The following LYPD6B variants were observed in gnomAD, a reference collection of about 807,000 sequenced individuals.
LYPD6B encodes the protein LY6/PLAUR domain containing 6B, also known as ly6/PLAUR domain-containing protein 6B.
Under a neutral mutation model 22.8 loss-of-function variants are expected in LYPD6B, and 17 were observed. The ratio of observed to expected loss-of-function variants is 0.75; its 90% CI spans 0.51 to 1.12. The LOEUF is 1.12. Ranked by LOEUF, LYPD6B falls within the 50% of genes most tolerant of loss-of-function variation. LYPD6B has a pLI of 0.00. For synonymous variants in LYPD6B, 106 were observed against 91.6 expected (o/e 1.16, Z -0.90); for missense variants, 221 against 258.3 (o/e 0.86, Z 0.99).
At chr2:149,073,449 T>C (rs1684738174) in intron 1 of LYPD6B, among the ~76,000 whole-genome samples, 1 of 152,192 alleles carries the variant, frequency 6.6e-6, no homozygotes, top group South Asian at 2.1e-4. Flanking sequence ...GTTACTGATA[T>C]GCCAGCTGGG....
intron 1 of LYPD6B, among the ~76,000 whole-genome samples, chr2:149,100,351 A>G (rs775894604): frequency 5.9e-4 from 85 of 144,554 alleles, no homozygotes; most frequent in Non-Finnish European, 9.6e-4. Context: ...CAAAATTAGT[A>G]TTCAAAAGCA....
At chr2:149,159,478 C>T (rs749034346) in intron 2 of LYPD6B, among the ~76,000 whole-genome samples, 1 of 151,962 alleles carries the variant, frequency 6.6e-6, no homozygotes, top group Admixed American at 6.6e-5. Flanking sequence ...GTTGTCTTCT[C>T]TACATAGTAT....
intron 3 of LYPD6B, among the ~76,000 whole-genome samples, chr2:149,163,787 G>A (rs185173839): frequency 1.4e-3 from 209 of 152,230 alleles, no homozygotes; most frequent in African/African-American, 4.8e-3. Flanking sequence ...CTCTTGTTTT[G>A]GGAAGGGAAG....
chr2:149,170,067 C>T (rs915652636), intron 3 of LYPD6B, among the ~76,000 whole-genome samples: 1 of 152,198 alleles, frequency 6.6e-6, no homozygotes, highest in Non-Finnish European at 1.5e-5. Flanking sequence ...CCCAGGTCTT[C>T]AGCCATGTCT....
Position 149,130,940 on chromosome 2 carries a change from A to G in LYPD6B, c.-9A>G, listed in dbSNP as rs1371262054. On this transcript the variant is annotated 5_prime_UTR_variant, in exon 2 of 7. Coordinates refer to ENST00000409642, the MANE Select transcript of LYPD6B (RefSeq NM_177964.5). Reference sequence around the variant, plus strand: ...CTCCTGGACTAGGCTGCTCTTGTTAATCACATGGATGTTGTGAGTATTATA... The same window carrying G: ...CTCCTGGACTAGGCTGCTCTTGTTAGTCACATGGATGTTGTGAGTATTATA... The G allele has an allele frequency of 6.2e-7, 1 of 1,603,132 alleles. No homozygotes were observed. Among genetic ancestry groups the G allele is most frequent in the Admixed American group, 1.7e-5 (1 of 59,978 alleles).
At chr2:149,074,128 G>C (rs544645795) in intron 1 of LYPD6B, among the ~76,000 whole-genome samples, 49 of 152,270 alleles carry the variant, frequency 3.2e-4, no homozygotes, top group African/African-American at 1.0e-3. Flanking sequence ...GGTGTCTGCT[G>C]TGGAGCCCTG....
At chr2:149,108,226 C>T (rs140072209) in intron 1 of LYPD6B, among the ~76,000 whole-genome samples, 1 of 152,298 alleles carries the variant, frequency 6.6e-6, no homozygotes, top group East Asian at 1.9e-4. Flanking sequence ...CCTTGCCTTC[C>T]ACCATGATTG....
chr2:149,146,516 A>G (rs1689036001), intron 2 of LYPD6B, among the ~76,000 whole-genome samples: 1 of 152,192 alleles, frequency 6.6e-6, no homozygotes, highest in Non-Finnish European at 1.5e-5. Flanking sequence ...GGGCCACGCC[A>G]GGCTGTGTGA....
intron 3 of LYPD6B, among the ~76,000 whole-genome samples, chr2:149,170,604 AT>A (rs1690751425): frequency 6.6e-6 from 1 of 152,178 alleles, no homozygotes; most frequent in African/African-American, 2.4e-5. Context: ...TAATATTTAT[AT>A]TTATTACAGA....
At chr2:149,058,267 C>T (rs1239357004) in intron 1 of LYPD6B, among the ~76,000 whole-genome samples, 1 of 152,042 alleles carries the variant, frequency 6.6e-6, no homozygotes, top group Non-Finnish European at 1.5e-5. Flanking sequence ...GGGTTCCTGG[C>T]CCCTACACTC....
chr2:149,097,275 T>A (rs907395553), intron 1 of LYPD6B, among the ~76,000 whole-genome samples: 1 of 152,190 alleles, frequency 6.6e-6, no homozygotes, highest in Non-Finnish European at 1.5e-5. Context: ...AAGAACAAGA[T>A]GCAGACAATG....
chr2:149,195,582 C>G (rs1177912498), intron 3 of LYPD6B, among the ~76,000 whole-genome samples: 2 of 152,170 alleles, frequency 1.3e-5, no homozygotes, highest in Non-Finnish European at 2.9e-5. Context: ...TAAAATTGGT[C>G]TTCAGAGGAA....
At chr2:149,067,101 G>T (rs997173203) in intron 1 of LYPD6B, among the ~76,000 whole-genome samples, 39 of 152,216 alleles carry the variant, frequency 2.6e-4, no homozygotes, top group African/African-American at 7.5e-4. Flanking sequence ...TAGGACAATG[G>T]CTTCTAGCCA....
At chr2:149,087,795 C>T (rs1268827413) in intron 1 of LYPD6B, among the ~76,000 whole-genome samples, 1 of 152,128 alleles carries the variant, frequency 6.6e-6, no homozygotes, top group Non-Finnish European at 1.5e-5. Flanking sequence ...CATCCCTGGG[C>T]CCTATGCCGT....
At chr2:149,145,187 A>G (rs1242291368) in intron 2 of LYPD6B, among the ~76,000 whole-genome samples, 5 of 152,200 alleles carry the variant, frequency 3.3e-5, no homozygotes, top group Non-Finnish European at 1.5e-5. Flanking sequence ...AGCAGATTCA[A>G]GCAGAGGGAT....
At chr2:149,201,637 A>G (rs954134938) in intron 3 of LYPD6B, among the ~76,000 whole-genome samples, 2 of 152,252 alleles carry the variant, frequency 1.3e-5, no homozygotes, top group African/African-American at 4.8e-5. Context: ...GTGCTCAGGA[A>G]GAAGTGGTAG....
chr2:149,124,304 G>T (rs1004169436), intron 1 of LYPD6B, among the ~76,000 whole-genome samples: 1 of 152,134 alleles, frequency 6.6e-6, no homozygotes, highest in Non-Finnish European at 1.5e-5. Context: ...AATGACGGTT[G>T]TTCCACTGGG....
intron 4 of LYPD6B, among the ~76,000 whole-genome samples, chr2:149,205,755 A>G (rs577916314): frequency 4.6e-5 from 7 of 152,272 alleles, no homozygotes; most frequent in Admixed American, 4.6e-4. Context: ...TAAATGATCT[A>G]TTAATTCTTT....
intron 2 of LYPD6B, among the ~76,000 whole-genome samples, chr2:149,134,164 A>G (rs1043708585): frequency 2.6e-5 from 4 of 152,122 alleles, no homozygotes; most frequent in Non-Finnish European, 5.9e-5. Context: ...CATGTACTTG[A>G]GCTGGAGAAG....
Sources: gnomAD v4.1 joint callset for allele counts (sites outside exome capture counted in the v4.1 genomes callset) on GRCh38, gnomAD v4.1.1 for gene constraint, MANE v1.5 for transcripts, NCBI Gene and HGNC (gene_info 2026-07-23, HGNC 2026-07-21) for gene names.